Variants in LMO3 observed in about 807,000 individuals in gnomAD.
The protein encoded by LMO3 is LIM domain only 3, also known as LIM domain only protein 3.
LMO3 carries 2 observed loss-of-function variants against 15.8 expected under a neutral mutation model. The ratio of observed to expected loss-of-function variants is 0.13; its 90% CI spans 0.05 to 0.40. The LOEUF is 0.40. Among genes scored for constraint, LMO3 ranks in the 10% least tolerant of loss-of-function variants. LMO3 has a pLI of 0.99. For missense variants in LMO3, 86 were observed against 182.2 expected (o/e 0.47, Z 3.04); for synonymous variants, 62 against 63.8 (o/e 0.97, Z 0.13).
At chr12:16,583,046 C>A (rs1354108927) in intron 2 of LMO3, among the ~76,000 whole-genome samples, 410 of 126,648 alleles carry the variant, frequency 3.2e-3, no homozygotes, top group East Asian at 5.8e-3. Flanking sequence ...GACTCCGCCT[C>A]AAAAAAAAAA....
chr12:16,581,675 A>T (rs1943163523), intron 2 of LMO3, among the ~76,000 whole-genome samples: 1 of 152,110 alleles, frequency 6.6e-6, no homozygotes, highest in African/African-American at 2.4e-5. Flanking sequence ...TCTCATTGAG[A>T]TTTTTCTGTG....
chr12:16,557,218 G>T (rs1003778335), intron 3 of LMO3, among the ~76,000 whole-genome samples: 1 of 152,034 alleles, frequency 6.6e-6, no homozygotes, highest in African/African-American at 2.4e-5. Flanking sequence ...GATAAAATAG[G>T]TAACCCTACT....
chr12:16,605,296 C>G, intron 1 of LMO3: 1 of 1,178,662 alleles, frequency 8.5e-7, no homozygotes, highest in South Asian at 2.5e-5. Context: ...GATCATAAAT[C>G]TGACTTGTAT....
chr12:16,564,272 AATATT>A (rs1210200583), intron 2 of LMO3, among the ~76,000 whole-genome samples: 171 of 152,340 alleles, frequency 1.1e-3, no homozygotes, highest in African/African-American at 3.9e-3. Flanking sequence ...TGCACAGAGA[AATATT>A]TAATAACTTT....
At chr12:16,565,629 T>C (rs1942572453) in intron 2 of LMO3, among the ~76,000 whole-genome samples, 2 of 152,128 alleles carry the variant, frequency 1.3e-5, no homozygotes, top group African/African-American at 2.4e-5. Flanking sequence ...TGAACTGTGT[T>C]TCTAATTGTT....
rs529565243 is a variant in LMO3 at position 16,572,512 on chromosome 12, C to A, written c.207-11974G>T. The stretch of plus-strand genomic sequence containing the variant: ...TATTTGAAGTACTTCTTAGAAGCTG[C>A]TATGCCAAAGTGCCTAGAATTTTAA... On this transcript the variant is annotated intron_variant, in intron 2 of 3. Coordinates refer to ENST00000537304, the MANE Select transcript of LMO3 (RefSeq NM_018640.5). 1.2e-4 allele frequency among the ~76,000 whole-genome samples: 18 copies of A among 149,756 alleles called. 1 individual carries two copies. Among genetic ancestry groups the A allele is most frequent in the African/African-American group, 4.4e-4 (18 of 41,154 alleles).
At position 16,585,994 on chromosome 12, in the gene LMO3, T is replaced by C. The variant is rs539364803; in HGVS notation, c.206+14661A>G. 5.3e-5 allele frequency among the ~76,000 whole-genome samples: 8 copies of C among 152,210 alleles called. 1 individual carries two copies. In the South Asian group the frequency reaches 1.5e-3, roughly 28 times the overall value. On this transcript the variant is annotated intron_variant, in intron 2 of 3. Coordinates refer to ENST00000537304, the MANE Select transcript of LMO3 (RefSeq NM_018640.5). This position sits in a 1 kb window ranked among gnomAD's most constrained non-coding sequence, Gnocchi z 4.7. ...GTGATACAGTAAACAAAGTCCCCAA[T>C]AGCATCCTTAGGACACTGATGTTTT...
At position 16,586,241 on chromosome 12, in the gene LMO3, A is replaced by C. The variant is rs1943315432; in HGVS notation, c.206+14414T>G. On this transcript the variant is annotated intron_variant, in intron 2 of 3. Coordinates refer to ENST00000537304, the MANE Select transcript of LMO3 (RefSeq NM_018640.5). This position sits in a 1 kb window ranked among gnomAD's most constrained non-coding sequence, Gnocchi z 4.3. ...TGACTTCTTAAAACATAAGAATGGA[A>C]AAGCAGCATTTGAAGTTGTAATCTC... is the stretch of plus-strand genomic sequence containing the variant. Among the ~76,000 whole-genome samples, 1 of 152,234 alleles carries C rather than the reference A, an allele frequency of 6.6e-6. No individual in the cohort carries two copies. Among genetic ancestry groups the C allele is most frequent in the Admixed American group, 6.5e-5 (1 of 15,276 alleles).
In LMO3 at chr12:16,603,985, C is replaced by A. The variant is rs1943909143; in HGVS notation, c.-9+2081G>T. The stretch of plus-strand genomic sequence containing the variant: ...GGAGAGGGAAGAGGAAGAGGGAATA[C>A]ATAAAGGGGGTTGGAAGAGATGAGG... On this transcript the variant is annotated intron_variant, in intron 1 of 3. Coordinates refer to ENST00000537304, the MANE Select transcript of LMO3 (RefSeq NM_018640.5). This position sits in a 1 kb window ranked among gnomAD's most constrained non-coding sequence, Gnocchi z 4.9. 6.6e-6 allele frequency among the ~76,000 whole-genome samples: 1 copy of A among 152,088 alleles called. No individual in the cohort carries two copies. The highest frequency in any genetic ancestry group is 1.5e-5 in the Non-Finnish European group (1 of 68,004).
In LMO3 at chr12:16,549,583, T is replaced by C. The variant is rs1941911482; in HGVS notation, c.*1639A>G. On this transcript the variant is annotated 3_prime_UTR_variant, in exon 4 of 4. Coordinates refer to ENST00000537304, the MANE Select transcript of LMO3 (RefSeq NM_018640.5). Reference sequence around the variant, plus strand: ...TAATGCATATATTGGAAGGACAAAATATATATGCAAATAACACTGGAAAAT... The same window carrying C: ...TAATGCATATATTGGAAGGACAAAACATATATGCAAATAACACTGGAAAAT... 1 of 152,514 alleles carries C rather than the reference T, an allele frequency of 6.6e-6. No individual in the cohort carries two copies. The highest frequency in any genetic ancestry group is 6.6e-5 in the Admixed American group (1 of 15,252). 9.4% of individuals were successfully genotyped at this position (152,514 alleles called of 1,614,324 possible).
At chr12:16,590,972 A>G (rs973893080) in intron 2 of LMO3, among the ~76,000 whole-genome samples, 3 of 152,116 alleles carry the variant, frequency 2.0e-5, no homozygotes, top group Non-Finnish European at 4.4e-5. Flanking sequence ...TAAATGAAAA[A>G]TAATCTCATT....
chr12:16,577,498 A>G (rs1943031122), intron 2 of LMO3, among the ~76,000 whole-genome samples: 1 of 151,804 alleles, frequency 6.6e-6, no homozygotes, highest in Non-Finnish European at 1.5e-5. Context: ...CCCTCCTTCT[A>G]CCCTCCAGTC....
At chr12:16,562,509 T>A (rs1237063854) in intron 2 of LMO3, among the ~76,000 whole-genome samples, 1 of 152,234 alleles carries the variant, frequency 6.6e-6, no homozygotes, top group Non-Finnish European at 1.5e-5. Flanking sequence ...GCTGAGCATT[T>A]ATCAGCTACC....
At chr12:16,594,326 C>A in intron 2 of LMO3, 5 of 1,371,306 alleles carry the variant, frequency 3.6e-6, no homozygotes, top group South Asian at 1.7e-5. Flanking sequence ...TTTTTATAAG[C>A]CAATTAAACT....
intron 2 of LMO3, among the ~76,000 whole-genome samples, chr12:16,562,632 A>G (rs1164563047): frequency 6.6e-6 from 1 of 152,216 alleles, no homozygotes; most frequent in East Asian, 1.9e-4. Flanking sequence ...TTCTGCTGCC[A>G]TCAGTCAACA....
rs1313207277 is a variant in LMO3, at chr12:16,550,622, C to G, written c.*600G>C. 1 of 152,272 alleles carries G rather than the reference C, an allele frequency of 6.6e-6. No homozygotes were observed. Among genetic ancestry groups the G allele is most frequent in the Non-Finnish European group, 1.5e-5 (1 of 67,890 alleles). The allele number at this position is 152,272 out of a possible 1,614,324, so 9.4% of individuals were successfully genotyped here. ...GTTATAACAAGAACACTGATAGACT[C>G]TAACTCATAGCGGCAATAAGTAGTG... On this transcript the variant is annotated 3_prime_UTR_variant, in exon 4 of 4. Coordinates refer to ENST00000537304, the MANE Select transcript of LMO3 (RefSeq NM_018640.5).
intron 3 of LMO3, among the ~76,000 whole-genome samples, chr12:16,552,235 T>C (rs1266055978): frequency 6.6e-6 from 1 of 152,054 alleles, no homozygotes; most frequent in Admixed American, 6.6e-5. Flanking sequence ...GATCTGTATA[T>C]ATATTTAATT....
chr12:16,551,107 C>T lies in LMO3; in HGVS notation c.*115G>A, dbSNP rs1941972866. The T allele has an allele frequency of 1.5e-6, 1 of 678,912 alleles. No homozygotes were observed. The highest frequency in any genetic ancestry group is 2.3e-5 in the Admixed American group (1 of 43,078). 42.1% of individuals were successfully genotyped at this position (678,912 alleles called of 1,614,324 possible). On this transcript the variant is annotated 3_prime_UTR_variant, in exon 4 of 4. Transcript: ENST00000537304. Reference sequence around the variant, plus strand: ...CCTTTTATTCCATATAACCATCCTGCCTTCCTATATCTACGCTATTCAGTA... The same window carrying T: ...CCTTTTATTCCATATAACCATCCTGTCTTCCTATATCTACGCTATTCAGTA...
At chr12:16,562,437 T>C (rs1319514061) in intron 2 of LMO3, among the ~76,000 whole-genome samples, 1 of 152,244 alleles carries the variant, frequency 6.6e-6, no homozygotes, top group Non-Finnish European at 1.5e-5. Context: ...CTAATAAACA[T>C]ACACACAATG....
Sources: gnomAD v4.1 joint callset for allele counts (sites outside exome capture counted in the v4.1 genomes callset) on GRCh38, gnomAD v4.1.1 for gene constraint, Gnocchi (gnomAD v3.1) non-coding constraint, MANE v1.5 for transcripts, NCBI Gene and HGNC (gene_info 2026-07-23, HGNC 2026-07-21) for gene names.